SNX29: variants seen among roughly 807,000 people sequenced by gnomAD.
The protein encoded by SNX29 is sorting nexin 29.
In SNX29, 78 loss-of-function variants were observed where a neutral mutation model predicts 102.1. The observed-to-expected ratio is 0.76, with a 90% confidence interval of 0.64 to 0.92. SNX29 has a LOEUF of 0.92. Among genes scored for constraint, SNX29 ranks in the 40% least tolerant of loss-of-function variants. SNX29 has a pLI of 0.00. For missense variants in SNX29, 1,280 were observed against 1,061.7 expected, an observed-to-expected ratio of 1.21 and a Z score of -2.86; for synonymous variants, 580 against 414.5, an observed-to-expected ratio of 1.40 and a Z score of -4.85.
intron 15 of SNX29, among the ~76,000 whole-genome samples, chr16:12,299,316 A>G (rs2080085110): frequency 6.6e-6 from 1 of 152,188 alleles, no homozygotes; most frequent in Non-Finnish European, 1.5e-5. Flanking sequence ...AAAAAATTAC[A>G]AATTTATGTA....
At chr16:12,298,329 C>T (rs2080049466) in intron 15 of SNX29, among the ~76,000 whole-genome samples, 1 of 152,138 alleles carries the variant, frequency 6.6e-6, no homozygotes, top group African/African-American at 2.4e-5. Flanking sequence ...CAGATAATTT[C>T]CTTAGACTCC....
chr16:12,565,089 CGTCTT>C (rs1205684460), intron 20 of SNX29, among the ~76,000 whole-genome samples: 14 of 152,034 alleles, frequency 9.2e-5, no homozygotes, highest in African/African-American at 2.9e-4. Flanking sequence ...CACATGGGGT[CGTCTT>C]CTCTTCTGAG....
At chr16:12,565,274 CACAT>C (rs1174432151) in intron 20 of SNX29, among the ~76,000 whole-genome samples, 6 of 152,196 alleles carry the variant, frequency 3.9e-5, no homozygotes, top group African/African-American at 1.4e-4. Flanking sequence ...GGTTCAGCCT[CACAT>C]ACGCCAGCAG....
chr16:12,279,736 G>A (rs766917528), intron 15 of SNX29, among the ~76,000 whole-genome samples: 7 of 152,238 alleles, frequency 4.6e-5, no homozygotes, highest in African/African-American at 7.2e-5. Flanking sequence ...TTGGCAAATG[G>A]TAGGTGCTGC....
intron 16 of SNX29, among the ~76,000 whole-genome samples, chr16:12,382,916 C>G (rs1241329158): frequency 6.6e-6 from 1 of 152,106 alleles, no homozygotes; most frequent in Non-Finnish European, 1.5e-5. Flanking sequence ...CCTGGATAAT[C>G]TAGGATGTTC....
At chr16:12,561,983 C>T (rs539041357) in intron 20 of SNX29, among the ~76,000 whole-genome samples, 3 of 152,122 alleles carry the variant, frequency 2.0e-5, no homozygotes, top group Non-Finnish European at 4.4e-5. Context: ...TGTCTACCAG[C>T]TTGGTGACAA....
chr16:12,156,846 C>A, intron 13 of SNX29, among the ~76,000 whole-genome samples: 1 of 152,166 alleles, frequency 6.6e-6, no homozygotes. Flanking sequence ...CCTCGTGCCC[C>A]CCTCCCCTGG....
intron 13 of SNX29, among the ~76,000 whole-genome samples, chr16:12,165,332 A>G (rs2055972139): frequency 1.3e-5 from 2 of 152,350 alleles, no homozygotes; most frequent in African/African-American, 2.4e-5. Context: ...TATGTGGTGC[A>G]TATACAGCTT....
chr16:12,287,230 T>C (rs1002129983), intron 15 of SNX29, among the ~76,000 whole-genome samples: 1 of 152,184 alleles, frequency 6.6e-6, no homozygotes, highest in African/African-American at 2.4e-5. Flanking sequence ...GATTTGGAGA[T>C]GAGGAGGTGT....
At chr16:12,400,755 TC>T (rs2083907440) in intron 17 of SNX29, among the ~76,000 whole-genome samples, 1 of 152,148 alleles carries the variant, frequency 6.6e-6, no homozygotes, top group Non-Finnish European at 1.5e-5. Context: ...ATGTAAAAAA[TC>T]AACAGAAATG....
intron 20 of SNX29, chr16:12,526,930 GA>G (rs1233584806): frequency 5.1e-6 from 2 of 392,358 alleles, no homozygotes; most frequent in African/African-American, 4.0e-5. Context: ...AGCACGGAGA[GA>G]GAAACCTTTT....
chr16:12,439,782 A>C (rs2085715963), intron 18 of SNX29, among the ~76,000 whole-genome samples: 1 of 152,222 alleles, frequency 6.6e-6, no homozygotes, highest in Non-Finnish European at 1.5e-5. Context: ...TGCCTCTCTG[A>C]GACTCAGTTT....
intron 15 of SNX29, among the ~76,000 whole-genome samples, chr16:12,348,036 C>G (rs2081869766): frequency 6.6e-6 from 1 of 152,018 alleles, no homozygotes; most frequent in South Asian, 2.1e-4. Context: ...TGTGATTGCA[C>G]CACTGTACTC....
chr16:12,454,992 C>T (rs566621587), intron 18 of SNX29, among the ~76,000 whole-genome samples: 4 of 152,314 alleles, frequency 2.6e-5, no homozygotes, highest in East Asian at 3.9e-4. Flanking sequence ...AAGTGATCCA[C>T]CCGCCTCGGC....
intron 15 of SNX29, among the ~76,000 whole-genome samples, chr16:12,340,662 C>T (rs976839158): frequency 2.0e-5 from 3 of 152,220 alleles, no homozygotes; most frequent in East Asian, 3.8e-4. Flanking sequence ...GAGGCTAGAA[C>T]TGCGAGAACA....
At position 12,477,862 on chromosome 16, in the gene SNX29, A is replaced by G; in HGVS notation, c.2178+3A>G. 6 of 1,598,536 alleles carry G rather than the reference A, an allele frequency of 3.8e-6. No homozygotes were observed. Among genetic ancestry groups the G allele is most frequent in the Non-Finnish European group, 4.3e-6 (5 of 1,174,806 alleles). On this transcript the variant is annotated splice_donor_region_variant and intron_variant, in intron 19 of 20. Coordinates refer to ENST00000566228, the MANE Select transcript of SNX29 (RefSeq NM_032167.5). Reference sequence around the variant, plus strand: ...CCAAAAAGGCCATTGGAAACAAGGTACCATCCCGTGCTGGGAAGCCCACTT... The same window carrying G: ...CCAAAAAGGCCATTGGAAACAAGGTGCCATCCCGTGCTGGGAAGCCCACTT...
chr16:12,097,298 C>T (rs192202832), intron 11 of SNX29, among the ~76,000 whole-genome samples: 14 of 152,268 alleles, frequency 9.2e-5, no homozygotes, highest in Admixed American at 2.6e-4. Flanking sequence ...AGCCAGTGGC[C>T]GGTGGAGCTG....
intron 16 of SNX29, among the ~76,000 whole-genome samples, chr16:12,376,955 TG>T (rs2082897927): frequency 1.3e-5 from 2 of 152,268 alleles, no homozygotes; most frequent in Admixed American, 1.3e-4. Flanking sequence ...TACTCTGTCT[TG>T]GCTGTTGGTT....
chr16:12,534,762 T>G (rs1466822603), intron 20 of SNX29, among the ~76,000 whole-genome samples: 3 of 152,226 alleles, frequency 2.0e-5, no homozygotes, highest in African/African-American at 7.2e-5. Flanking sequence ...GCTTTCTTTC[T>G]GCGTCTACCC....
Sources: gnomAD v4.1 joint callset for allele counts (sites outside exome capture counted in the v4.1 genomes callset) on GRCh38, gnomAD v4.1.1 for gene constraint, MANE v1.5 for transcripts, NCBI Gene and HGNC (gene_info 2026-07-23, HGNC 2026-07-21) for gene names.